The following MYO1E variants were observed in gnomAD, a reference collection of about 807,000 sequenced individuals.
MYO1E encodes unconventional myosin-Ie.
In MYO1E, 68 loss-of-function variants were observed where a neutral mutation model predicts 151.1. That is an observed-to-expected ratio of 0.45 (90% CI 0.37 to 0.55). The LOEUF (loss-of-function observed/expected upper bound fraction) is 0.55. MYO1E is among the 20% of genes least tolerant of loss of function. The pLI is 0.00. For missense variants in MYO1E, 1,363 were observed against 1,389.3 expected, an observed-to-expected ratio of 0.98 and a Z score of 0.30; for synonymous variants, 601 against 501.7, an observed-to-expected ratio of 1.20 and a Z score of -2.64.
chr15:59,290,092 G>A (rs2080410116), intron 1 of MYO1E, among the ~76,000 whole-genome samples: 1 of 152,224 alleles, frequency 6.6e-6, no homozygotes, highest in African/African-American at 2.4e-5. Context: ...TCTAGAAACA[G>A]GGAGGTACTG....
At chr15:59,352,615 C>A (rs773215470) in intron 1 of MYO1E, among the ~76,000 whole-genome samples, 12 of 152,168 alleles carry the variant, frequency 7.9e-5, no homozygotes, top group African/African-American at 1.2e-4. Flanking sequence ...GTACCTAACT[C>A]ATTTTCCTCA....
chr15:59,306,450 T>C (rs1034326654), intron 1 of MYO1E, among the ~76,000 whole-genome samples: 1 of 152,240 alleles, frequency 6.6e-6, no homozygotes, highest in Non-Finnish European at 1.5e-5. Flanking sequence ...AAAGACTCTA[T>C]AATGTAATCA....
chr15:59,150,986 G>T (rs2079472450), intron 26 of MYO1E, among the ~76,000 whole-genome samples: 1 of 150,772 alleles, frequency 6.6e-6, no homozygotes, highest in Non-Finnish European at 1.5e-5. Flanking sequence ...AAGACTGGGG[G>T]GTAGTGGAAG....
chr15:59,349,024 A>G (rs1219385723), intron 1 of MYO1E, among the ~76,000 whole-genome samples: 5 of 152,184 alleles, frequency 3.3e-5, no homozygotes, highest in Admixed American at 6.5e-5. Flanking sequence ...ACTAGGTGCC[A>G]TGGACATATG....
intron 17 of MYO1E, among the ~76,000 whole-genome samples, chr15:59,192,784 G>C (rs935680808): frequency 5.3e-5 from 8 of 152,168 alleles, no homozygotes; most frequent in Non-Finnish European, 8.8e-5. Context: ...GATTTGGTTG[G>C]AGTAATCATA....
chr15:59,228,825 A>G (rs144186578), intron 6 of MYO1E, among the ~76,000 whole-genome samples: 6 of 152,332 alleles, frequency 3.9e-5, no homozygotes, highest in Middle Eastern at 3.4e-3. Context: ...AGTACTGTGC[A>G]CACTGCAAAT....
At chr15:59,160,847 G>A (rs1385375964) in intron 24 of MYO1E, among the ~76,000 whole-genome samples, 4 of 152,022 alleles carry the variant, frequency 2.6e-5, no homozygotes, top group African/African-American at 9.7e-5. Context: ...GTAATGCCAG[G>A]TGTACTGATA....
chr15:59,346,062 T>A (rs2080792504), intron 1 of MYO1E, among the ~76,000 whole-genome samples: 1 of 152,216 alleles, frequency 6.6e-6, no homozygotes, highest in African/African-American at 2.4e-5. Flanking sequence ...AATTACTTGA[T>A]TCCTGGAATC....
chr15:59,325,149 C>G (rs1322900356), intron 1 of MYO1E, among the ~76,000 whole-genome samples: 1 of 152,088 alleles, frequency 6.6e-6, no homozygotes, highest in Non-Finnish European at 1.5e-5. Context: ...ATTCTCCTGC[C>G]TCAGCCCTTC....
chr15:59,312,696 G>C (rs1405281872), intron 1 of MYO1E, among the ~76,000 whole-genome samples: 1 of 151,960 alleles, frequency 6.6e-6, no homozygotes, highest in Non-Finnish European at 1.5e-5. Context: ...CAAACCAGCA[G>C]CATCAGCAAC....
rs186544268 is a variant in MYO1E, at chr15:59,214,264, C to T, written c.1239G>A (p.Gln413=). ...TTAATGTCAGTTCAATAAAAATCTG[C>T]TGCAGTTTTTCATTAACAAAATTGA... ...FCINFVNEKL[Q]QIFIELTLKA... Residue 413 remains glutamine, a synonymous_variant, in exon 12 of 28, where the codon CAG becomes CAA. Transcript: ENST00000288235. 325 of 1,613,286 alleles carry T rather than the reference C, an allele frequency of 2.0e-4. No individual in the cohort carries two copies. Among genetic ancestry groups the T allele is most frequent in the Non-Finnish European group, 2.5e-4 (295 of 1,179,738 alleles).
intron 26 of MYO1E, among the ~76,000 whole-genome samples, chr15:59,138,587 C>G (rs1374357848): frequency 6.6e-6 from 1 of 152,182 alleles, no homozygotes; most frequent in African/African-American, 2.4e-5. Context: ...AAAACCTTAG[C>G]TGCTGTTGTC....
rs140201850 is a variant in MYO1E, at chr15:59,254,911, C to T, written c.332+1373G>A. Among the ~76,000 whole-genome samples, 45 of 152,028 alleles carry T rather than the reference C, an allele frequency of 3.0e-4. No homozygotes were observed. The East Asian group carries it at 7.2e-3, about 24-fold the overall frequency. On this transcript the variant is annotated intron_variant, in intron 4 of 27. Coordinates refer to ENST00000288235, the MANE Select transcript of MYO1E (RefSeq NM_004998.4). ...CGTGATCTTGGCTCACTGCAGCTTC[C>T]GCCTCCTGGGTTCAAGTGATTCTCC...
chr15:59,135,556 T>C lies in MYO1E; in HGVS notation c.*1824A>G, dbSNP rs1365293321. 1.3e-5 allele frequency: 2 copies of C among 152,262 alleles called. No individual in the cohort carries two copies. Among genetic ancestry groups the C allele is most frequent in the African/African-American group, 4.8e-5 (2 of 41,456 alleles). 9.4% of individuals were successfully genotyped at this position (152,262 alleles called of 1,614,324 possible). On this transcript the variant is annotated 3_prime_UTR_variant, in exon 28 of 28. Coordinates refer to ENST00000288235, the MANE Select transcript of MYO1E (RefSeq NM_004998.4). ...TCCTCAACTCACCGCATCATGGCTCTACTTTCCTCTCTGGTCGCAACATGG... is the reference window on the plus strand; with the variant it reads ...TCCTCAACTCACCGCATCATGGCTCCACTTTCCTCTCTGGTCGCAACATGG...
In MYO1E at chr15:59,142,394, C is replaced by T. The variant is rs749382955; in HGVS notation, c.3081-4027G>A. Among the ~76,000 whole-genome samples the T allele has an allele frequency of 2.4e-4, 36 of 152,166 alleles. 1 individual carries two copies. The highest frequency in any genetic ancestry group is 1.0e-4 in the Non-Finnish European group (7 of 68,024). ...CCCCTCGCCAGGGTCGGGGTAAGAC[C>T]TCTTAGTGGGAAGACAAGACGGATG... is the stretch of plus-strand genomic sequence containing the variant. On this transcript the variant is annotated intron_variant, in intron 26 of 27. Coordinates refer to ENST00000288235, the MANE Select transcript of MYO1E (RefSeq NM_004998.4).
At chr15:59,260,340 C>G (rs1871635804) in intron 3 of MYO1E, among the ~76,000 whole-genome samples, 1 of 152,210 alleles carries the variant, frequency 6.6e-6, no homozygotes, top group African/African-American at 2.4e-5. Context: ...AAAGGTCTTT[C>G]GCGTGGCAGC....
intron 18 of MYO1E, among the ~76,000 whole-genome samples, 197 bp downstream of exon 18, chr15:59,187,921 A>C (rs548338961): frequency 7.9e-5 from 12 of 152,348 alleles, no homozygotes; most frequent in Admixed American, 7.8e-4. Context: ...GGAGAATTGG[A>C]GGTTGACAAC....
chr15:59,372,174 G>A (rs1443490493), intron 1 of MYO1E, among the ~76,000 whole-genome samples: 1 of 151,732 alleles, frequency 6.6e-6, no homozygotes, highest in South Asian at 2.1e-4. Context: ...CAGGAGGAGG[G>A]GACCCCCTCC....
chr15:59,226,043 G>T (rs2079989235), intron 7 of MYO1E, among the ~76,000 whole-genome samples: 1 of 152,252 alleles, frequency 6.6e-6, no homozygotes, highest in Middle Eastern at 3.4e-3. Context: ...AACTCCTGGG[G>T]GAGGGTTGGG....
Sources: allele counts gnomAD v4.1 joint callset (sites outside exome capture counted in the v4.1 genomes callset), GRCh38; gene constraint gnomAD v4.1.1; transcripts MANE v1.5; gene names NCBI Gene and HGNC (gene_info 2026-07-23, HGNC 2026-07-21).